TSGA13: variants seen among roughly 807,000 people sequenced by gnomAD.
TSGA13 encodes the protein testis specific 13, also known as testis-specific gene 13 protein.
TSGA13 carries 37 observed loss-of-function variants against 35.1 expected under a neutral mutation model. That is an observed-to-expected ratio of 1.05 (90% CI 0.81 to 1.39). TSGA13 has a LOEUF of 1.39. Ranked by LOEUF, TSGA13 falls within the 40% of genes most tolerant of loss-of-function variation. TSGA13 has a pLI of 0.00. For missense variants in TSGA13, 338 were observed against 328.5 expected (o/e 1.03, Z -0.22); for synonymous variants, 124 against 121.2 (o/e 1.02, Z -0.15).
At position 130,678,167 on chromosome 7, in the gene TSGA13, A is replaced by C. The variant is rs974345037; in HGVS notation, c.387+988T>G. 2.6e-5 allele frequency among the ~76,000 whole-genome samples: 4 copies of C among 152,058 alleles called. No individual in the cohort carries two copies. The East Asian group carries it at 7.8e-4, about 29-fold the overall frequency. Reference sequence around the variant, plus strand: ...GCCAAGGCGGGTGGATCACAAGGTCAGAAGATCGAGACCATCCTGGCTAAC... The same window carrying C: ...GCCAAGGCGGGTGGATCACAAGGTCCGAAGATCGAGACCATCCTGGCTAAC... On this transcript the variant is annotated intron_variant, in intron 5 of 7. Transcript: ENST00000356588.
Position 130,679,208 on chromosome 7 carries a change from C to T in TSGA13, c.334G>A (p.Asp112Asn), listed in dbSNP as rs557122565. 6.8e-6 allele frequency: 11 copies of T among 1,614,184 alleles called. No individual in the cohort carries two copies. The South Asian group carries it at 1.2e-4, about 18-fold the overall frequency. Reference protein sequence around the residue: ...NPPPCSITQQDKESASKYFSK... With the variant: ...NPPPCSITQQNKESASKYFSK... ...AAATATTTTGATGCACTCTCCTTGT[C>T]TTGCTGGGTGATTGAGCAGGGAGGT... Residue 112 changes from aspartate (D) to asparagine (N), a missense_variant, in exon 5 of 8, where the codon GAC becomes AAC. Asp to Asn is a conservative substitution (Grantham distance 23). Transcript: ENST00000356588.
chr7:130,671,099 C>T lies in TSGA13; in HGVS notation c.658+562G>A, dbSNP rs534597904. Among the ~76,000 whole-genome samples, 69 of 152,272 alleles carry T rather than the reference C, an allele frequency of 4.5e-4. 2 individuals are homozygous for T. In the South Asian group the frequency reaches 0.014, roughly 30 times the overall value. On this transcript the variant is annotated intron_variant, in intron 7 of 7. Coordinates refer to ENST00000356588, the MANE Select transcript of TSGA13 (RefSeq NM_052933.4). ...ACCTTATTCCAAGCCCCTTCTACCCCATTCCCTACCCCAATCCCAGAGACT... is the reference window on the plus strand; with the variant it reads ...ACCTTATTCCAAGCCCCTTCTACCCTATTCCCTACCCCAATCCCAGAGACT...
chr7:130,681,067 C>G (rs782520668), intron 3 of TSGA13, 50 bp from the exon 4 acceptor site: 27 of 1,521,676 alleles, frequency 1.8e-5, no homozygotes, highest in Non-Finnish European at 2.5e-5. Context: ...CTATCCTAAA[C>G]AGTATTCCAT....
intron 2 of TSGA13, 95 bp downstream of exon 2, chr7:130,685,093 C>T: frequency 5.6e-6 from 7 of 1,243,466 alleles, no homozygotes; most frequent in Non-Finnish European, 7.0e-6. Flanking sequence ...TGAGAGTCTA[C>T]TCTGTGACCA....
At chr7:130,678,612 T>C (rs1185681178) in intron 5 of TSGA13, among the ~76,000 whole-genome samples, 3 of 152,216 alleles carry the variant, frequency 2.0e-5, no homozygotes, top group African/African-American at 7.2e-5. Flanking sequence ...AGAAGAACAC[T>C]TTCCAGTGAA....
intron 7 of TSGA13, among the ~76,000 whole-genome samples, chr7:130,670,646 G>A (rs1226248876): frequency 6.6e-6 from 1 of 152,026 alleles, no homozygotes; most frequent in Non-Finnish European, 1.5e-5. Context: ...TTCAGACAGG[G>A]TCTCACTCTG....
chr7:130,680,974 A>G lies in TSGA13; in HGVS notation c.146T>C (p.Leu49Pro), dbSNP rs139224962. ...ATTTGGATGGACTGTGTAATGCCGA[A>G]GGTTCTCTAGAACAAATTTTGATTG... ...VGQSKFVLENLRHYTVHPNLA... is the reference protein window; with the variant it reads ...VGQSKFVLENPRHYTVHPNLA... Residue 49 changes from leucine to proline, a missense_variant, in exon 4 of 8, where the codon CTT becomes CCT. Leu to Pro is a moderately conservative substitution (Grantham distance 98). Coordinates refer to ENST00000356588, the MANE Select transcript of TSGA13 (RefSeq NM_052933.4). The G allele has an allele frequency of 1.2e-6, 2 of 1,614,226 alleles. No individual in the cohort carries two copies.
At position 130,685,196 on chromosome 7, in the gene TSGA13, T is replaced by C; in HGVS notation, c.15A>G (p.Arg5=). Residue 5 remains arginine, a synonymous_variant, in exon 2 of 8, where the codon AGA becomes AGG. Coordinates refer to ENST00000356588, the MANE Select transcript of TSGA13 (RefSeq NM_052933.4). ...CAAACAAGACTACATACTTGGTTTG[T>C]CTCTTTTGGCTCATTGCTGTTGACT... The part of the protein sequence containing the change: MSQK[R]QTKFQNGKSK... 1.2e-6 allele frequency: 2 copies of C among 1,613,438 alleles called. No individual in the cohort carries two copies. Among genetic ancestry groups the C allele is most frequent in the South Asian group, 2.2e-5 (2 of 91,040 alleles).
At position 130,669,147 on chromosome 7, in the gene TSGA13, T is replaced by C. The variant is rs1454540423; in HGVS notation, c.695A>G (p.Lys232Arg). The change falls in exon 8 of 8, where the codon AAA becomes AGA. Residue 232 changes from lysine to arginine, a missense_variant. By Grantham distance (26) the Lys-to-Arg change is conservative (BLOSUM62 2). Transcript: ENST00000356588. ...GAGTGTCAGTGGTTCCCGAATCACTTTGGAAATTGGCCTTTCACTCGCTGA... is the reference window on the plus strand; with the variant it reads ...GAGTGTCAGTGGTTCCCGAATCACTCTGGAAATTGGCCTTTCACTCGCTGA... ...KKSASERPIS[K>R]VIREPLTLAS... 2.5e-6 allele frequency: 4 copies of C among 1,614,058 alleles called. No individual in the cohort carries two copies. The highest frequency in any genetic ancestry group is 2.5e-6 in the Non-Finnish European group (3 of 1,180,026).
intron 5 of TSGA13, among the ~76,000 whole-genome samples, chr7:130,678,637 C>G (rs1465148744): frequency 1.3e-5 from 2 of 152,194 alleles, no homozygotes; most frequent in African/African-American, 4.8e-5. Context: ...CCATTTTCTC[C>G]CTGCAATGAA....
rs1796533798 is a variant in TSGA13, at chr7:130,681,036, G to T, written c.103-19C>A. On this transcript the variant is annotated intron_variant, in intron 3 of 7. Transcript: ENST00000356588. ...CAGAAATCTAAAGAGGATAATCAAAGTTAGTGGTTTGAAGTTGCACCTATC... is the reference window on the plus strand; with the variant it reads ...CAGAAATCTAAAGAGGATAATCAAATTTAGTGGTTTGAAGTTGCACCTATC... The T allele has an allele frequency of 6.2e-7, 1 of 1,612,652 alleles. No individual in the cohort carries two copies. Among genetic ancestry groups the T allele is most frequent in the Non-Finnish European group, 8.5e-7 (1 of 1,178,628 alleles).
intron 4 of TSGA13, among the ~76,000 whole-genome samples, 183 bp downstream of exon 4, chr7:130,680,763 C>T (rs985111843): frequency 6.6e-6 from 1 of 152,144 alleles, no homozygotes; most frequent in Non-Finnish European, 1.5e-5. Flanking sequence ...ACTTTGCCAC[C>T]CCAATCCTCA....
chr7:130,682,247 G>A (rs1335561263), intron 3 of TSGA13, among the ~76,000 whole-genome samples: 3 of 152,054 alleles, frequency 2.0e-5, no homozygotes, highest in Non-Finnish European at 4.4e-5. Context: ...AGCCTCCTGA[G>A]TAGCTGGGAT....
At chr7:130,674,329 C>A (rs1248405730) in intron 5 of TSGA13, among the ~76,000 whole-genome samples, 1 of 151,528 alleles carries the variant, frequency 6.6e-6, no homozygotes, top group Non-Finnish European at 1.5e-5. Context: ...CGTGTCACCA[C>A]GCCCAGTTAA....
chr7:130,681,992 GGC>G (rs1301741183), intron 3 of TSGA13, among the ~76,000 whole-genome samples: 4 of 151,320 alleles, frequency 2.6e-5, no homozygotes, highest in African/African-American at 9.7e-5. Context: ...CAGGCTGGAG[GGC>G]ATTGGTGCAA....
chr7:130,685,016 A>C (rs1251891572), intron 2 of TSGA13, among the ~76,000 whole-genome samples, 172 bp downstream of exon 2: 70 of 152,106 alleles, frequency 4.6e-4, no homozygotes, highest in African/African-American at 1.6e-3. Context: ...GACAAAAGCA[A>C]CCATGAAATA....
At chr7:130,685,408 A>G (rs560753653) in intron 1 of TSGA13, 48 bp from the exon 2 acceptor site, 15 of 1,338,440 alleles carry the variant, frequency 1.1e-5, no homozygotes, top group Middle Eastern at 2.0e-4. Context: ...GTAGATGTAG[A>G]AAATGCACAA....
Position 130,671,687 on chromosome 7 carries a change from A to G in TSGA13, c.632T>C (p.Val211Ala). Residue 211 changes from valine to alanine, a missense_variant, in exon 7 of 8, where the codon GTC becomes GCC. Val to Ala is a moderately conservative substitution (Grantham distance 64). Transcript: ENST00000356588. ...KMYPQLTFAPVHERDMRKDAS... is the reference protein window; with the variant it reads ...KMYPQLTFAPAHERDMRKDAS... ...ATCTTTCCTCATATCTCTCTCATGG[A>G]CTGGAGCAAAGGTGAGCTGAGGGTA... 1 of 1,603,232 alleles carries G rather than the reference A, an allele frequency of 6.2e-7. No homozygotes were observed. Among genetic ancestry groups the G allele is most frequent in the South Asian group, 1.1e-5 (1 of 89,808 alleles).
intron 5 of TSGA13, among the ~76,000 whole-genome samples, chr7:130,675,195 A>G (rs1554463960): frequency 6.7e-6 from 1 of 149,928 alleles, no homozygotes; most frequent in Non-Finnish European, 1.5e-5. Context: ...TACCTTGTTC[A>G]CTCCTCACCT....
Sources: gnomAD v4.1 joint callset for allele counts (sites outside exome capture counted in the v4.1 genomes callset) on GRCh38, gnomAD v4.1.1 for gene constraint, MANE v1.5 for transcripts, NCBI Gene and HGNC (gene_info 2026-07-23, HGNC 2026-07-21) for gene names.